PCDHGB1: variants seen among roughly 807,000 people sequenced by gnomAD.
The protein encoded by PCDHGB1 is protocadherin gamma subfamily B, 1, also known as protocadherin gamma-B1.
Under a neutral mutation model 56.6 loss-of-function variants are expected in PCDHGB1, and 34 were observed. That is an observed-to-expected ratio of 0.60 (90% CI 0.46 to 0.80). The LOEUF (loss-of-function observed/expected upper bound fraction) is 0.80. Ranked by LOEUF, PCDHGB1 falls within the 30% of genes least tolerant of loss-of-function variation. The pLI, the probability that PCDHGB1 is intolerant of heterozygous loss-of-function variation, is 0.00. For synonymous variants in PCDHGB1, 561 were observed against 505.9 expected, an observed-to-expected ratio of 1.11 and a Z score of -1.46; for missense variants, 1,278 against 1,204.6, an observed-to-expected ratio of 1.06 and a Z score of -0.90.
chr5:141,388,433 A>G, intron 1 of PCDHGB1: 1 of 1,613,878 alleles, frequency 6.2e-7, no homozygotes, highest in Non-Finnish European at 8.5e-7. Flanking sequence ...TGATAAATAA[A>G]GAGAAATCAG....
intron 1 of PCDHGB1, 82 bp from the exon 2 acceptor site, chr5:141,494,725 C>T: frequency 6.2e-7 from 1 of 1,610,026 alleles, no homozygotes; most frequent in Middle Eastern, 1.7e-4. Context: ...CCCTCCTTCT[C>T]TCCCGGCCCA....
chr5:141,376,016 G>A, intron 1 of PCDHGB1: 7 of 1,613,318 alleles, frequency 4.3e-6, no homozygotes, highest in Non-Finnish European at 5.9e-6. Flanking sequence ...CCTAGTGGTG[G>A]CCGTCCAGGA....
intron 1 of PCDHGB1, among the ~76,000 whole-genome samples, chr5:141,461,267 T>C (rs2099012147): frequency 6.6e-6 from 1 of 152,140 alleles, no homozygotes; most frequent in Admixed American, 6.6e-5. Flanking sequence ...AATGTGTAAG[T>C]GTTCTCTTTT....
At position 141,485,049 on chromosome 5, in the gene PCDHGB1, G is replaced by A; in HGVS notation, c.2410-9758G>A. The A allele has an allele frequency of 1.3e-6, 1 of 780,438 alleles. No individual in the cohort carries two copies. 48.3% of individuals were successfully genotyped at this position (780,438 alleles called of 1,614,324 possible). ...AACGGCGCGTAACCCTTGCGGCGCC[G>A]GCCGAACCGCGCCAGAGCTGGCGCG... On this transcript the variant is annotated intron_variant, in intron 1 of 3. Coordinates refer to ENST00000523390, the MANE Select transcript of PCDHGB1 (RefSeq NM_018922.3). This position sits in a 1 kb window ranked among gnomAD's most constrained non-coding sequence, Gnocchi z 5.7.
chr5:141,473,431 G>A (rs541546681), intron 1 of PCDHGB1, among the ~76,000 whole-genome samples: 10 of 152,266 alleles, frequency 6.6e-5, no homozygotes, highest in Non-Finnish European at 1.3e-4. Flanking sequence ...CAGATACTTT[G>A]CTTATGCAAA....
intron 1 of PCDHGB1, chr5:141,374,861 C>T (rs1252622215): frequency 1.9e-6 from 3 of 1,613,638 alleles, no homozygotes; most frequent in Non-Finnish European, 2.5e-6. Flanking sequence ...AGTAGGCACA[C>T]CAGTGTTGGC....
intron 1 of PCDHGB1, chr5:141,361,115 T>C: frequency 6.2e-7 from 1 of 1,614,046 alleles, no homozygotes; most frequent in Non-Finnish European, 8.5e-7. Context: ...CCTGGAGATC[T>C]AGCAGCCCAC....
chr5:141,418,093 C>A, intron 1 of PCDHGB1: 2 of 1,614,032 alleles, frequency 1.2e-6, no homozygotes, highest in Non-Finnish European at 1.7e-6. Context: ...TCAGCGTAGA[C>A]GCGCAGAGCG....
At chr5:141,388,460 T>G in intron 1 of PCDHGB1, 1 of 1,613,854 alleles carries the variant, frequency 6.2e-7, no homozygotes. Flanking sequence ...GTAAATACCC[T>G]GAGATGGTAT....
intron 1 of PCDHGB1, chr5:141,411,158 A>T (rs1384845652): frequency 6.6e-6 from 1 of 152,212 alleles, no homozygotes; most frequent in Admixed American, 6.5e-5. Context: ...TCAAGTTCTG[A>T]CTATCGAACA....
chr5:141,386,398 C>T (rs904703549), intron 1 of PCDHGB1, among the ~76,000 whole-genome samples: 2 of 151,972 alleles, frequency 1.3e-5, no homozygotes, highest in South Asian at 2.1e-4. Flanking sequence ...ACACTTTTAG[C>T]CAGGTATGGT....
At chr5:141,413,132 A>G in intron 1 of PCDHGB1, 1 of 1,542,144 alleles carries the variant, frequency 6.5e-7, no homozygotes, top group Non-Finnish European at 8.7e-7. Context: ...GAAACACACA[A>G]CGTGTCCAGT....
chr5:141,396,295 AG>A (rs1561657375), intron 1 of PCDHGB1: 1 of 151,978 alleles, frequency 6.6e-6, no homozygotes, highest in African/African-American at 2.4e-5. Flanking sequence ...ACTCCAGCCT[AG>A]GTGGCAGAAC....
At chr5:141,418,669 C>T (rs2096278985) in intron 1 of PCDHGB1, 1 of 1,614,018 alleles carries the variant, frequency 6.2e-7, no homozygotes, top group Non-Finnish European at 8.5e-7. Flanking sequence ...CTGACCAGGA[C>T]GAGGGCATCA....
intron 2 of PCDHGB1, among the ~76,000 whole-genome samples, chr5:141,498,039 A>G (rs2099781185): frequency 6.6e-6 from 1 of 152,264 alleles, no homozygotes; most frequent in Non-Finnish European, 1.5e-5. Flanking sequence ...CCAAATAATT[A>G]CAAAAATAAA....
intron 1 of PCDHGB1, chr5:141,376,347 A>G (rs1218451115): frequency 6.2e-7 from 1 of 1,614,056 alleles, no homozygotes; most frequent in Non-Finnish European, 8.5e-7. Flanking sequence ...ACCTATTCCC[A>G]CGAGGTCTCA....
intron 1 of PCDHGB1, chr5:141,399,297 T>A (rs370898446): frequency 6.2e-7 from 1 of 1,613,830 alleles, no homozygotes; most frequent in African/African-American, 1.3e-5. Context: ...CTTTTAAGAT[T>A]ATCTCTTCAT....
At chr5:141,389,432 C>G in intron 1 of PCDHGB1, 1 of 1,610,650 alleles carries the variant, frequency 6.2e-7, no homozygotes, top group Non-Finnish European at 8.5e-7. Context: ...TCGCGCAGCG[C>G]GCCTTCGACC....
intron 1 of PCDHGB1, chr5:141,478,583 C>CT (rs754743497): frequency 5.7e-6 from 9 of 1,578,146 alleles, no homozygotes; most frequent in South Asian, 1.1e-5. Flanking sequence ...CCTGTTAGTG[C>CT]TTTTTTATTC....
Sources: allele counts gnomAD v4.1 joint callset (sites outside exome capture counted in the v4.1 genomes callset), GRCh38; gene constraint gnomAD v4.1.1; non-coding constraint Gnocchi (gnomAD v3.1); transcripts MANE v1.5; gene names NCBI Gene and HGNC (gene_info 2026-07-23, HGNC 2026-07-21).